ZNF385B: variants seen among roughly 807,000 people sequenced by gnomAD.
ZNF385B encodes zinc finger protein 385B, also known as zinc finger protein 533.
Under a neutral mutation model 39.2 loss-of-function variants are expected in ZNF385B, and 23 were observed. That is an observed-to-expected ratio of 0.59 (90% CI 0.42 to 0.83). The LOEUF (loss-of-function observed/expected upper bound fraction) is 0.83, where lower values mean the gene tolerates loss of function less well. Ranked by LOEUF, ZNF385B falls within the 40% of genes least tolerant of loss-of-function variation. The pLI, the probability that ZNF385B is intolerant of heterozygous loss-of-function variation, is 0.00. For missense variants in ZNF385B, 552 were observed against 598.9 expected, an observed-to-expected ratio of 0.92 and a Z score of 0.82; for synonymous variants, 205 against 222.6, an observed-to-expected ratio of 0.92 and a Z score of 0.70.
chr2:179,459,276 T>C (rs781288805), intron 6 of ZNF385B, among the ~76,000 whole-genome samples: 5 of 151,150 alleles, frequency 3.3e-5, no homozygotes, highest in Non-Finnish European at 1.5e-5. Flanking sequence ...GAAGTATCAT[T>C]TTCTGCCTCT....
At chr2:179,840,537 G>C (rs1708485722) in intron 1 of ZNF385B, among the ~76,000 whole-genome samples, 1 of 152,160 alleles carries the variant, frequency 6.6e-6, no homozygotes, top group Admixed American at 6.5e-5. Context: ...CCATAATCCA[G>C]GAGAGAGATA....
chr2:179,821,844 T>C (rs1205764378), intron 1 of ZNF385B, among the ~76,000 whole-genome samples: 1 of 152,128 alleles, frequency 6.6e-6, no homozygotes, highest in Non-Finnish European at 1.5e-5. Context: ...GTACAGTTCA[T>C]AATTCATTAA....
At chr2:179,851,246 T>C (rs751403845) in intron 1 of ZNF385B, among the ~76,000 whole-genome samples, 21 of 151,572 alleles carry the variant, frequency 1.4e-4, no homozygotes, top group Non-Finnish European at 2.2e-4. Context: ...AGGCCAGGAG[T>C]TCAAGACCAG....
intron 3 of ZNF385B, among the ~76,000 whole-genome samples, chr2:179,564,295 C>A (rs138325100): frequency 2.6e-5 from 4 of 152,004 alleles, no homozygotes; most frequent in East Asian, 3.9e-4. Flanking sequence ...TAAGCCTCTA[C>A]GGGGAAAACT....
chr2:179,767,236 C>T (rs16866987), intron 3 of ZNF385B, among the ~76,000 whole-genome samples: 15 of 151,930 alleles, frequency 9.9e-5, no homozygotes, highest in Non-Finnish European at 1.8e-4. Context: ...TCTGTTAAGA[C>T]GATGTATGTC....
chr2:179,514,401 G>T (rs941333332), intron 5 of ZNF385B, among the ~76,000 whole-genome samples: 1 of 152,148 alleles, frequency 6.6e-6, no homozygotes, highest in Non-Finnish European at 1.5e-5. Flanking sequence ...CAGAATATTA[G>T]CTCCCTTAAT....
At chr2:179,548,269 T>C (rs558008654) in intron 3 of ZNF385B, among the ~76,000 whole-genome samples, 45 of 149,794 alleles carry the variant, frequency 3.0e-4, no homozygotes, top group South Asian at 6.4e-4. Context: ...TTTAGATATC[T>C]GGTTTAATGC....
intron 6 of ZNF385B, among the ~76,000 whole-genome samples, chr2:179,464,064 C>G (rs1336604874): frequency 1.3e-5 from 2 of 152,184 alleles, no homozygotes; most frequent in Non-Finnish European, 2.9e-5. Context: ...GAGATGGTAT[C>G]TCACTGTGGT....
intron 1 of ZNF385B, among the ~76,000 whole-genome samples, chr2:179,793,481 G>T (rs1035056000): frequency 6.6e-6 from 1 of 152,180 alleles, no homozygotes; most frequent in Admixed American, 6.5e-5. Context: ...CTGCCATGCT[G>T]TTCTCCTGAT....
intron 3 of ZNF385B, among the ~76,000 whole-genome samples, chr2:179,714,961 A>AAAAAAAAAAAAAAAAAAAC (rs1553516033): frequency 2.0e-5 from 3 of 150,614 alleles, no homozygotes; most frequent in African/African-American, 7.3e-5. Context: ...AAAAAAAAAA[A>AAAAAAAAAAAAAAAAAAAC]CAGTTTCCTG....
chr2:179,766,106 G>C (rs1266266495), intron 3 of ZNF385B, among the ~76,000 whole-genome samples: 1 of 149,056 alleles, frequency 6.7e-6, no homozygotes, highest in Non-Finnish European at 1.5e-5. Context: ...TCTTCCTGTT[G>C]TTCTAAAGCT....
rs73046873 is a variant in ZNF385B at position 179,739,935 on chromosome 2, C to A, written c.298+29568G>T. The stretch of plus-strand genomic sequence containing the variant: ...CTACGTACTTAAATTACACAAAATC[C>A]AAAAGCTCCTAGATTAAGAGTTAAC... On this transcript the variant is annotated intron_variant, in intron 3 of 9. Coordinates refer to ENST00000410066, the MANE Select transcript of ZNF385B (RefSeq NM_152520.6). 5.1e-3 allele frequency among the ~76,000 whole-genome samples: 772 copies of A among 152,098 alleles called. 3 individuals are homozygous for A. Among genetic ancestry groups the A allele is most frequent in the African/African-American group, 0.018 (744 of 41,476 alleles).
chr2:179,752,844 G>A (rs765589524), intron 3 of ZNF385B, among the ~76,000 whole-genome samples: 1 of 152,076 alleles, frequency 6.6e-6, no homozygotes, highest in Non-Finnish European at 1.5e-5. Context: ...CCCTTTGTCA[G>A]ATGAGTAGAT....
chr2:179,605,596 A>G (rs1050135147), intron 3 of ZNF385B, among the ~76,000 whole-genome samples: 2 of 152,160 alleles, frequency 1.3e-5, no homozygotes, highest in African/African-American at 4.8e-5. Context: ...TATAATATGT[A>G]TGCAGTGGCA....
chr2:179,510,209 G>A (rs1452793143), intron 5 of ZNF385B, among the ~76,000 whole-genome samples: 2 of 152,174 alleles, frequency 1.3e-5, no homozygotes, highest in Non-Finnish European at 2.9e-5. Context: ...TGCAGTGAGT[G>A]TGTGTAGATA....
chr2:179,622,914 CA>C (rs1384638307), intron 3 of ZNF385B, among the ~76,000 whole-genome samples: 3 of 152,174 alleles, frequency 2.0e-5, no homozygotes, highest in African/African-American at 7.2e-5. Flanking sequence ...GCACTACCAT[CA>C]TTATCAAGGC....
intron 3 of ZNF385B, among the ~76,000 whole-genome samples, chr2:179,742,085 CATTA>C (rs1702121083): frequency 6.6e-6 from 1 of 152,022 alleles, no homozygotes; most frequent in Non-Finnish European, 1.5e-5. Flanking sequence ...GTATAATACT[CATTA>C]ATTATTCAAA....
intron 4 of ZNF385B, among the ~76,000 whole-genome samples, chr2:179,539,082 A>T (rs1559434603): frequency 1.3e-5 from 2 of 152,234 alleles, no homozygotes; most frequent in Non-Finnish European, 2.9e-5. Flanking sequence ...GGCTGTCATT[A>T]CCAAATACCA....
chr2:179,792,149 T>C (rs1705367158), intron 1 of ZNF385B, among the ~76,000 whole-genome samples: 1 of 152,170 alleles, frequency 6.6e-6, no homozygotes, highest in Admixed American at 6.5e-5. Context: ...TCAAGACAAG[T>C]GCCTTTTTCT....
Sources: allele counts gnomAD v4.1 joint callset (sites outside exome capture counted in the v4.1 genomes callset), GRCh38; gene constraint gnomAD v4.1.1; transcripts MANE v1.5; gene names NCBI Gene and HGNC (gene_info 2026-07-23, HGNC 2026-07-21).